TSPAN5: variants seen among roughly 807,000 people sequenced by gnomAD.
TSPAN5 encodes tetraspanin-5.
TSPAN5 carries 10 observed loss-of-function variants against 37.1 expected under a neutral mutation model. The observed-to-expected ratio is 0.27, with a 90% CI of 0.17 to 0.46. The LOEUF is 0.46. Ranked by LOEUF, TSPAN5 falls within the 20% of genes least tolerant of loss-of-function variation. The probability of loss-of-function intolerance (pLI) is 1.00; values close to 1 mark genes in which losing one functional copy is unlikely to be tolerated. For synonymous variants in TSPAN5, 110 were observed against 118.9 expected (o/e 0.93, Z 0.48); for missense variants, 195 against 326.6 (o/e 0.60, Z 3.11).
At chr4:98,545,355 C>T (rs4699345) in intron 1 of TSPAN5, among the ~76,000 whole-genome samples, 114,576 of 152,190 alleles carry the variant, frequency 0.75, 43,817 homozygotes, top group African/African-American at 0.89. Context: ...GTTTCTGTTA[C>T]GTCAATCAGT....
intron 1 of TSPAN5, among the ~76,000 whole-genome samples, chr4:98,553,503 G>A (rs925026431): frequency 3.3e-5 from 5 of 152,112 alleles, no homozygotes; most frequent in African/African-American, 1.2e-4. Flanking sequence ...AAAAGACAAC[G>A]TAATAATACA....
At chr4:98,491,133 G>A (rs556096291) in intron 2 of TSPAN5, among the ~76,000 whole-genome samples, 2 of 152,292 alleles carry the variant, frequency 1.3e-5, no homozygotes, top group Admixed American at 1.3e-4. Context: ...ATAGTGGAAT[G>A]ACTAAATCTG....
chr4:98,529,017 G>A (rs1754022380), intron 1 of TSPAN5, among the ~76,000 whole-genome samples: 1 of 151,986 alleles, frequency 6.6e-6, no homozygotes, highest in Non-Finnish European at 1.5e-5. Flanking sequence ...ATTGACAGTG[G>A]TAGAGCCAGG....
At chr4:98,559,024 C>A (rs567345100) in intron 1 of TSPAN5, among the ~76,000 whole-genome samples, 42 of 152,176 alleles carry the variant, frequency 2.8e-4, no homozygotes, top group Non-Finnish European at 5.1e-4. Context: ...AGAGCAGAAT[C>A]CTAACCCATG....
rs1752694010 is a variant in TSPAN5 at position 98,476,289 on chromosome 4, A to G, written c.641T>C (p.Ile214Thr). ...ARQKPEVDQQ[I>T]VIYTKGCVPQ... ...CACACAGCCTTTCGTGTAGATTACA[A>G]TCTGCTGGTCAACTTCCTTCACAAG... Residue 214 changes from isoleucine (I) to threonine (T), a missense_variant, in exon 7 of 8, where the codon ATT becomes ACT. By Grantham distance (89) the Ile-to-Thr change is moderately conservative. Coordinates refer to ENST00000305798, the MANE Select transcript of TSPAN5 (RefSeq NM_005723.4). The G allele has an allele frequency of 3.1e-6, 5 of 1,613,826 alleles. No homozygotes were observed. In the African/African-American group the frequency reaches 4.0e-5, roughly 13 times the overall value.
At chr4:98,510,919 T>C (rs72688448) in intron 1 of TSPAN5, among the ~76,000 whole-genome samples, 3,279 of 152,222 alleles carry the variant, frequency 0.022, 63 homozygotes, top group Non-Finnish European at 0.035. Flanking sequence ...CAGTTCCCAA[T>C]AATTAAACAG....
intron 7 of TSPAN5, among the ~76,000 whole-genome samples, chr4:98,474,637 T>C (rs1752656135): frequency 6.6e-6 from 1 of 152,070 alleles, no homozygotes; most frequent in South Asian, 2.1e-4. Context: ...CATGAGCCAC[T>C]GCACCCGGCC....
At chr4:98,505,284 C>T (rs1356665480) in intron 2 of TSPAN5, among the ~76,000 whole-genome samples, 3 of 152,152 alleles carry the variant, frequency 2.0e-5, no homozygotes, top group Admixed American at 6.5e-5. Flanking sequence ...TCCCCTTGTA[C>T]CTAGAATATA....
intron 1 of TSPAN5, among the ~76,000 whole-genome samples, chr4:98,544,934 T>C (rs1754435036): frequency 6.6e-6 from 1 of 152,224 alleles, no homozygotes. Context: ...GTGATGGGCA[T>C]CTGCTGAGAT....
chr4:98,479,863 T>C (rs1392825054), intron 4 of TSPAN5, among the ~76,000 whole-genome samples: 5 of 152,352 alleles, frequency 3.3e-5, no homozygotes, highest in South Asian at 4.1e-4. Flanking sequence ...TAAATTCTTA[T>C]CCCTGTATAC....
chr4:98,608,231 T>C (rs1756087282), intron 1 of TSPAN5, among the ~76,000 whole-genome samples: 1 of 152,184 alleles, frequency 6.6e-6, no homozygotes, highest in African/African-American at 2.4e-5. Context: ...ATACTTATGA[T>C]AGGAATTCTT....
At chr4:98,608,033 C>G (rs1220949174) in intron 1 of TSPAN5, among the ~76,000 whole-genome samples, 2 of 152,072 alleles carry the variant, frequency 1.3e-5, no homozygotes, top group Non-Finnish European at 2.9e-5. Flanking sequence ...TATACTATAC[C>G]TATTCATAAG....
chr4:98,575,940 A>G (rs944900106), intron 1 of TSPAN5, among the ~76,000 whole-genome samples: 3 of 152,076 alleles, frequency 2.0e-5, no homozygotes, highest in South Asian at 4.1e-4. Flanking sequence ...GTGGTGGTGC[A>G]TGCCTGTAAT....
chr4:98,507,685 T>C lies in TSPAN5; in HGVS notation c.125A>G (p.Asn42Ser), dbSNP rs776364653. The change falls in exon 2 of 8, where the codon AAT becomes AGT. Residue 42 changes from asparagine (N) to serine (S), a missense_variant. Transcript: ENST00000305798. ...TFLGIGLWAW[N>S]EKGVLSNISS... is the part of the protein sequence containing the mutation. ...TCATGATATTCAACTTACTTTTTCATTCCATGCCCACAGTCCAATTCCAAG... is the reference window on the plus strand; with the variant it reads ...TCATGATATTCAACTTACTTTTTCACTCCATGCCCACAGTCCAATTCCAAG... 2.5e-5 allele frequency: 40 copies of C among 1,610,698 alleles called. No individual in the cohort carries two copies. Among genetic ancestry groups the C allele is most frequent in the Non-Finnish European group, 3.3e-5 (39 of 1,178,778 alleles).
At chr4:98,635,916 T>C (rs556913154) in intron 1 of TSPAN5, among the ~76,000 whole-genome samples, 2 of 152,268 alleles carry the variant, frequency 1.3e-5, no homozygotes, top group South Asian at 4.2e-4. Flanking sequence ...CCCTAAATAA[T>C]AGGGTAGGGA....
chr4:98,582,994 G>A (rs1755403452), intron 1 of TSPAN5, among the ~76,000 whole-genome samples: 2 of 152,188 alleles, frequency 1.3e-5, no homozygotes, highest in South Asian at 2.1e-4. Context: ...TGGAGGGAGG[G>A]AAGGCAGATA....
chr4:98,602,913 A>G (rs1755915701), intron 1 of TSPAN5, among the ~76,000 whole-genome samples: 1 of 152,216 alleles, frequency 6.6e-6, no homozygotes, highest in Admixed American at 6.5e-5. Flanking sequence ...TACCAGGTAT[A>G]ATAGCAATGA....
At chr4:98,499,227 C>T (rs1241438118) in intron 2 of TSPAN5, among the ~76,000 whole-genome samples, 1 of 152,208 alleles carries the variant, frequency 6.6e-6, no homozygotes, top group African/African-American at 2.4e-5. Context: ...AGCTTCTGCC[C>T]GGGCAGGCGG....
intron 1 of TSPAN5, among the ~76,000 whole-genome samples, chr4:98,647,570 T>C (rs1428502529): frequency 6.6e-6 from 1 of 152,210 alleles, no homozygotes; most frequent in African/African-American, 2.4e-5. Context: ...AAAAGAGCCC[T>C]ATGCCTTCTA....
Sources: allele counts gnomAD v4.1 joint callset (sites outside exome capture counted in the v4.1 genomes callset), GRCh38; gene constraint gnomAD v4.1.1; transcripts MANE v1.5; gene names NCBI Gene and HGNC (gene_info 2026-07-23, HGNC 2026-07-21).